Variants in MIR2052HG observed in about 807,000 individuals in gnomAD.
The protein encoded by MIR2052HG is MIR2052 host gene.
At chr8:74,723,470 G>A (rs1265041369) in intron 4 of MIR2052HG, among the ~76,000 whole-genome samples, 7 of 152,026 alleles carry the variant, frequency 4.6e-5, no homozygotes, top group African/African-American at 1.4e-4. Flanking sequence ...TTTGGCTGGT[G>A]TTTCACTATT....
At chr8:74,671,551 T>A (rs993724166) in intron 2 of MIR2052HG, among the ~76,000 whole-genome samples, 3 of 152,146 alleles carry the variant, frequency 2.0e-5, no homozygotes, top group Admixed American at 6.6e-5. Flanking sequence ...GATTTTATGT[T>A]CTTTCTCATC....
At chr8:74,669,881 A>G (rs567321443) in intron 2 of MIR2052HG, among the ~76,000 whole-genome samples, 1 of 152,286 alleles carries the variant, frequency 6.6e-6, no homozygotes, top group South Asian at 2.1e-4. Context: ...TTCTGGCTAA[A>G]TTATGTCCCC....
intron 2 of MIR2052HG, among the ~76,000 whole-genome samples, chr8:74,621,643 A>G (rs769747937): frequency 2.0e-5 from 3 of 152,184 alleles, no homozygotes; most frequent in African/African-American, 4.8e-5. Flanking sequence ...AACAGCCACA[A>G]TGATTCAATT....
chr8:74,755,992 T>C (rs1809995841), intron 5 of MIR2052HG, among the ~76,000 whole-genome samples: 1 of 152,166 alleles, frequency 6.6e-6, no homozygotes, highest in Non-Finnish European at 1.5e-5. Flanking sequence ...CCGACAAGGC[T>C]GCTCTTACTT....
intron 1 of MIR2052HG, among the ~76,000 whole-genome samples, chr8:74,602,585 C>T (rs1191046024): frequency 1.3e-5 from 2 of 151,162 alleles, no homozygotes; most frequent in South Asian, 4.2e-4. Context: ...GATCTCGGCT[C>T]TCTGCAACCT....
intron 2 of MIR2052HG, among the ~76,000 whole-genome samples, chr8:74,645,647 T>G (rs1411577554): frequency 2.0e-5 from 3 of 152,258 alleles, no homozygotes; most frequent in Non-Finnish European, 4.4e-5. Flanking sequence ...ACATAGTGAC[T>G]GCTAATGCTT....
chr8:74,737,361 C>G (rs1809778473), intron 4 of MIR2052HG, among the ~76,000 whole-genome samples: 1 of 152,104 alleles, frequency 6.6e-6, no homozygotes, highest in Non-Finnish European at 1.5e-5. Context: ...GTATCCTGCC[C>G]TTGAGCTGCT....
chr8:74,628,994 GC>G (rs1235723569), intron 2 of MIR2052HG: 8 of 151,972 alleles, frequency 5.3e-5, no homozygotes, highest in African/African-American at 1.9e-4. Context: ...AATTGTGAAG[GC>G]TTTTTAAAGG....
At chr8:74,738,308 G>T (rs1375748109) in intron 4 of MIR2052HG, among the ~76,000 whole-genome samples, 1 of 152,102 alleles carries the variant, frequency 6.6e-6, no homozygotes, top group African/African-American at 2.4e-5. Flanking sequence ...CAGTGTGCAT[G>T]ATACCCTTGT....
chr8:74,709,843 G>C (rs1220428274), intron 4 of MIR2052HG, among the ~76,000 whole-genome samples: 1 of 152,098 alleles, frequency 6.6e-6, no homozygotes, highest in Non-Finnish European at 1.5e-5. Context: ...TTTTGAGTGA[G>C]TGATATTTCA....
chr8:74,660,696 G>T (rs2588302), intron 2 of MIR2052HG, among the ~76,000 whole-genome samples: 67,949 of 152,026 alleles, frequency 0.45, 15,762 homozygotes, highest in East Asian at 0.69. Context: ...TGGATTTTGA[G>T]AAAACAACAA....
intron 2 of MIR2052HG, among the ~76,000 whole-genome samples, chr8:74,636,629 A>C (rs1777700731): frequency 6.6e-6 from 1 of 152,206 alleles, no homozygotes; most frequent in African/African-American, 2.4e-5. Context: ...TATGGCTCTT[A>C]GTGGTGTTTT....
At chr8:74,701,979 A>G (rs1809362771) in intron 2 of MIR2052HG, among the ~76,000 whole-genome samples, 1 of 152,100 alleles carries the variant, frequency 6.6e-6, no homozygotes, top group Non-Finnish European at 1.5e-5. Context: ...TCTTTGAGGC[A>G]TTGCATTGAT....
intron 4 of MIR2052HG, among the ~76,000 whole-genome samples, chr8:74,734,172 A>T (rs12335082): frequency 0.052 from 5,932 of 113,178 alleles, 400 homozygotes; most frequent in African/African-American, 0.22. Flanking sequence ...TGGCTGAGAG[A>T]TAATGGTCAG....
intron 1 of MIR2052HG, chr8:74,603,151 T>TG: frequency 1.4e-6 from 1 of 693,596 alleles, no homozygotes; most frequent in East Asian, 2.7e-5. Context: ...AAATCACGAG[T>TG]GGATGATAAA....
chr8:74,697,881 C>T (rs1355542483), intron 2 of MIR2052HG, among the ~76,000 whole-genome samples: 5 of 152,110 alleles, frequency 3.3e-5, no homozygotes, highest in Non-Finnish European at 7.4e-5. Context: ...TAAAATGCAT[C>T]CCATGCTCAT....
At chr8:74,679,975 C>T (rs187577832) in intron 2 of MIR2052HG, among the ~76,000 whole-genome samples, 10 of 152,044 alleles carry the variant, frequency 6.6e-5, no homozygotes, top group Admixed American at 2.6e-4. Context: ...AAGAGGTAAA[C>T]GTAAAATATA....
intron 4 of MIR2052HG, among the ~76,000 whole-genome samples, chr8:74,720,310 T>C (rs1188164173): frequency 6.6e-6 from 1 of 152,248 alleles, no homozygotes; most frequent in Admixed American, 6.5e-5. Context: ...AGATCTGTGT[T>C]CTCTGCAATA....
At chr8:74,748,375 G>A (rs1434664980) in intron 4 of MIR2052HG, among the ~76,000 whole-genome samples, 1 of 152,200 alleles carries the variant, frequency 6.6e-6, no homozygotes, top group Non-Finnish European at 1.5e-5. Flanking sequence ...ATGAAAGACA[G>A]GAACTTTCAC....
Sources: allele counts gnomAD v4.1 joint callset (sites outside exome capture counted in the v4.1 genomes callset), GRCh38; gene constraint gnomAD v4.1.1; transcripts MANE v1.5; gene names NCBI Gene and HGNC (gene_info 2026-07-23, HGNC 2026-07-21).